PRKN: variants seen among roughly 807,000 people sequenced by gnomAD.
PRKN encodes E3 ubiquitin-protein ligase parkin.
PRKN carries 56 observed loss-of-function variants against 59.5 expected under a neutral mutation model. The ratio of observed to expected loss-of-function variants is 0.94; its 90% CI spans 0.76 to 1.18. The LOEUF is 1.18. PRKN is among the 50% of genes most tolerant of loss of function. PRKN has a pLI of 0.00. For synonymous variants in PRKN, 250 were observed against 222.1 expected (o/e 1.13, Z -1.12); for missense variants, 657 against 596.4 (o/e 1.10, Z -1.06).
intron 1 of PRKN, among the ~76,000 whole-genome samples, chr6:162,488,256 A>C (rs1415381003): frequency 6.6e-6 from 1 of 152,150 alleles, no homozygotes; most frequent in Non-Finnish European, 1.5e-5. Context: ...ACCAATGAGA[A>C]TCTCCAGGCA....
rs763378094 is a variant in PRKN at position 162,056,396 on chromosome 6, C to T, written c.535-2222G>A. Among the ~76,000 whole-genome samples, 5 of 152,054 alleles carry T rather than the reference C, an allele frequency of 3.3e-5. No homozygotes were observed. The highest frequency in any genetic ancestry group is 4.4e-5 in the Non-Finnish European group (3 of 68,002). On this transcript the variant is annotated intron_variant, in intron 4 of 11. Coordinates refer to ENST00000366898, the MANE Select transcript of PRKN (RefSeq NM_004562.3). This position sits in a 1 kb window ranked among gnomAD's most constrained non-coding sequence, Gnocchi z 4.9. The stretch of plus-strand genomic sequence containing the variant: ...ACACACTCATGCATGCACACACGCA[C>T]TATTCTAGAGAAAAGTCGGGGACGC...
chr6:161,739,446 C>T (rs1788100937), intron 7 of PRKN, among the ~76,000 whole-genome samples: 1 of 151,840 alleles, frequency 6.6e-6, no homozygotes, highest in South Asian at 2.1e-4. Flanking sequence ...GCAGGAGATG[C>T]ACTATTTTAA....
At chr6:162,524,134 A>G (rs565590542) in intron 1 of PRKN, among the ~76,000 whole-genome samples, 113 of 152,322 alleles carry the variant, frequency 7.4e-4, no homozygotes, top group African/African-American at 2.6e-3. Flanking sequence ...ATGAAGTACT[A>G]AAATCACATT....
At chr6:161,721,425 G>C (rs1324288229) in intron 7 of PRKN, among the ~76,000 whole-genome samples, 1 of 152,182 alleles carries the variant, frequency 6.6e-6, no homozygotes, top group Non-Finnish European at 1.5e-5. Flanking sequence ...CCTCGTGCCT[G>C]CATCTGCTCA....
At chr6:161,759,053 T>A (rs1260104496) in intron 7 of PRKN, among the ~76,000 whole-genome samples, 2 of 152,232 alleles carry the variant, frequency 1.3e-5, no homozygotes, top group Admixed American at 1.3e-4. Context: ...GGTGGGCACC[T>A]GTAGTCCCAG....
At position 161,452,681 on chromosome 6, in the gene PRKN, T is replaced by C. The variant is rs1583087389; in HGVS notation, c.1084-65804A>G. Among the ~76,000 whole-genome samples the C allele has an allele frequency of 2.6e-5, 4 of 152,292 alleles. No homozygotes were observed. In the East Asian group the frequency reaches 5.8e-4, roughly 22 times the overall value. On this transcript the variant is annotated intron_variant, in intron 9 of 11. Coordinates refer to ENST00000366898, the MANE Select transcript of PRKN (RefSeq NM_004562.3). The stretch of plus-strand genomic sequence containing the variant: ...TGATGTTCCTGTATTATTTTTGGGA[T>C]TGTCCTCTCAATTTGCTTGTAGTTG...
chr6:162,441,558 A>G (rs1419802504), intron 2 of PRKN, among the ~76,000 whole-genome samples: 1 of 152,168 alleles, frequency 6.6e-6, no homozygotes, highest in African/African-American at 2.4e-5. Flanking sequence ...TATTATAGCT[A>G]TTAGGTTGAA....
chr6:162,406,978 A>G (rs1454997287), intron 2 of PRKN, among the ~76,000 whole-genome samples: 1 of 152,082 alleles, frequency 6.6e-6, no homozygotes, highest in Non-Finnish European at 1.5e-5. Flanking sequence ...GTTGACCAAA[A>G]TTGTAGATTT....
intron 7 of PRKN, among the ~76,000 whole-genome samples, chr6:161,755,685 G>A (rs537749347): frequency 3.6e-4 from 55 of 152,184 alleles, no homozygotes; most frequent in African/African-American, 2.6e-4. Context: ...AACACTATCC[G>A]TAATTCAATG....
chr6:162,159,997 C>T (rs566649909), intron 4 of PRKN, among the ~76,000 whole-genome samples: 1 of 152,080 alleles, frequency 6.6e-6, no homozygotes, highest in Non-Finnish European at 1.5e-5. Context: ...GCAAATATTT[C>T]TTGAATGTAA....
intron 3 of PRKN, among the ~76,000 whole-genome samples, chr6:162,241,939 C>T (rs902993936): frequency 1.5e-4 from 23 of 151,882 alleles, no homozygotes; most frequent in Admixed American, 1.2e-3. Flanking sequence ...CTTCCCCCCA[C>T]CCCCAACAAG....
chr6:162,439,713 GAAGACA>G (rs1232096539), intron 2 of PRKN, among the ~76,000 whole-genome samples: 1 of 151,922 alleles, frequency 6.6e-6, no homozygotes, highest in Non-Finnish European at 1.5e-5. Context: ...TACTCAACAT[GAAGACA>G]AAGACAATGA....
chr6:161,885,755 G>C (rs1396831813), intron 6 of PRKN, among the ~76,000 whole-genome samples: 2 of 151,856 alleles, frequency 1.3e-5, no homozygotes, highest in African/African-American at 4.8e-5. Context: ...AAAAAATGAG[G>C]ATAACTGTTC....
chr6:162,452,193 G>A (rs1366892109), intron 1 of PRKN, among the ~76,000 whole-genome samples: 1 of 152,090 alleles, frequency 6.6e-6, no homozygotes, highest in Non-Finnish European at 1.5e-5. Flanking sequence ...GATATTTTAA[G>A]ATTAAATAAA....
At chr6:161,607,094 C>T (rs1782311889) in intron 7 of PRKN, among the ~76,000 whole-genome samples, 1 of 152,128 alleles carries the variant, frequency 6.6e-6, no homozygotes, top group Non-Finnish European at 1.5e-5. Flanking sequence ...TACACCTCCC[C>T]ACCACTGGGC....
At chr6:162,254,268 C>G (rs1779554809) in intron 3 of PRKN, among the ~76,000 whole-genome samples, 1 of 151,994 alleles carries the variant, frequency 6.6e-6, no homozygotes, top group African/African-American at 2.4e-5. Context: ...ACCAGTCTGG[C>G]TAACATGGTA....
chr6:162,413,910 G>C (rs1406550213), intron 2 of PRKN, among the ~76,000 whole-genome samples: 1 of 152,116 alleles, frequency 6.6e-6, no homozygotes, highest in Admixed American at 6.5e-5. Context: ...GGCTGGGCGC[G>C]GTGGCTCACG....
chr6:161,928,596 T>A (rs907828091), intron 6 of PRKN, among the ~76,000 whole-genome samples: 1 of 152,134 alleles, frequency 6.6e-6, no homozygotes, highest in African/African-American at 2.4e-5. Context: ...AATATAACAA[T>A]CATCAGAATA....
chr6:161,478,137 T>A (rs556560008), intron 9 of PRKN, among the ~76,000 whole-genome samples: 36 of 152,320 alleles, frequency 2.4e-4, no homozygotes, highest in Admixed American at 4.6e-4. Context: ...ATAAATCAAA[T>A]GACAATATGA....
Sources: allele counts gnomAD v4.1 joint callset (sites outside exome capture counted in the v4.1 genomes callset), GRCh38; gene constraint gnomAD v4.1.1; non-coding constraint Gnocchi (gnomAD v3.1); transcripts MANE v1.5; gene names NCBI Gene and HGNC (gene_info 2026-07-23, HGNC 2026-07-21).